The following SCN9A variants were observed in gnomAD, a reference collection of about 807,000 sequenced individuals.
SCN9A encodes the protein sodium voltage-gated channel alpha subunit 9.
SCN9A carries 131 observed loss-of-function variants against 187.0 expected under a neutral mutation model. The ratio of observed to expected loss-of-function variants is 0.70; its 90% CI spans 0.61 to 0.81. The LOEUF (loss-of-function observed/expected upper bound fraction) is 0.81, where lower values mean the gene tolerates loss of function less well. Ranked by LOEUF, SCN9A falls within the 30% of genes least tolerant of loss-of-function variation. The probability of loss-of-function intolerance (pLI) is 0.00; values close to 1 mark genes in which losing one functional copy is unlikely to be tolerated. For synonymous variants in SCN9A, 809 were observed against 808.6 expected (o/e 1.00, Z -0.01); for missense variants, 2,252 against 2,396.6 (o/e 0.94, Z 1.26).
intron 24 of SCN9A, among the ~76,000 whole-genome samples, chr2:166,209,274 G>T (rs1693964211): frequency 6.6e-6 from 1 of 152,176 alleles, no homozygotes; most frequent in South Asian, 2.1e-4. Flanking sequence ...GGAACACAAA[G>T]AATTAGGGAA....
At chr2:166,211,032 AGCCT>A (rs1345457511) in intron 24 of SCN9A, among the ~76,000 whole-genome samples, 1 of 150,624 alleles carries the variant, frequency 6.6e-6, no homozygotes, top group African/African-American at 2.5e-5. Flanking sequence ...ACTGCACTCC[AGCCT>A]GGGCAACACG....
rs751081867 is a variant in SCN9A at position 166,199,852 on chromosome 2, G to A, written c.4787C>T (p.Ala1596Val). 1 of 1,613,210 alleles carries A rather than the reference G, an allele frequency of 6.2e-7. No individual in the cohort carries two copies. Among genetic ancestry groups the A allele is most frequent in the Middle Eastern group, 1.6e-4 (1 of 6,082 alleles). ...CACAAAATACGTTTCAATCAAATCAGCTAGAAACATACCTGTATGTGGAGG... is the reference window on the plus strand; with the variant it reads ...CACAAAATACGTTTCAATCAAATCAACTAGAAACATACCTGTATGTGGAGG... ...VIISIVGMFL[A>V]DLIETYFVSP... Residue 1596 changes from alanine to valine, a missense_variant, in exon 27 of 27, where the codon GCT becomes GTT. By Grantham distance (64) the Ala-to-Val change is moderately conservative. Coordinates refer to ENST00000642356, the MANE Select transcript of SCN9A (RefSeq NM_001365536.1).
chr2:166,286,722 G>C (rs1697766569), intron 10 of SCN9A, 99 bp from the exon 11 acceptor site: 4 of 853,606 alleles, frequency 4.7e-6, no homozygotes, highest in Non-Finnish European at 5.0e-6. Flanking sequence ...ACAACATGGT[G>C]CATATAATCA....
At chr2:166,335,084 G>T (rs149194222) in intron 1 of SCN9A, among the ~76,000 whole-genome samples, 27 of 152,174 alleles carry the variant, frequency 1.8e-4, no homozygotes, top group African/African-American at 5.3e-4. Context: ...TTTGTTTAAT[G>T]CACATCCATT....
intron 1 of SCN9A, among the ~76,000 whole-genome samples, chr2:166,352,350 A>G (rs1700051994): frequency 6.6e-6 from 1 of 152,202 alleles, no homozygotes; most frequent in Admixed American, 6.5e-5. Context: ...AAAGCATTAT[A>G]CAATGTGATC....
At chr2:166,295,178 GT>G (rs758774776) in intron 7 of SCN9A, among the ~76,000 whole-genome samples, 41 of 152,288 alleles carry the variant, frequency 2.7e-4, no homozygotes, top group Non-Finnish European at 5.7e-4. Flanking sequence ...CAGAGATGAA[GT>G]TGGTGTGTGG....
chr2:166,284,854 C>T, intron 11 of SCN9A, 30 bp from the exon 12 acceptor site: 1 of 1,549,278 alleles, frequency 6.5e-7, no homozygotes. Context: ...AACGTGGTTG[C>T]TGAAGCACCT....
At chr2:166,223,045 A>C (rs572966431) in intron 24 of SCN9A, among the ~76,000 whole-genome samples, 4 of 136,212 alleles carry the variant, frequency 2.9e-5, no homozygotes, top group Non-Finnish European at 4.8e-5. Context: ...AAAAACAAAA[A>C]CCACCCAAAT....
At chr2:166,323,531 C>T (rs1699293267) in intron 1 of SCN9A, among the ~76,000 whole-genome samples, 1 of 152,018 alleles carries the variant, frequency 6.6e-6, no homozygotes, top group Non-Finnish European at 1.5e-5. Flanking sequence ...CTGAAGTAAA[C>T]ACCAACACTA....
chr2:166,283,599 A>G (rs1447556117), intron 12 of SCN9A, among the ~76,000 whole-genome samples: 3 of 152,022 alleles, frequency 2.0e-5, no homozygotes, highest in African/African-American at 7.2e-5. Context: ...TGACTCGTAG[A>G]CCTTTGGAAC....
intron 23 of SCN9A, 131 bp downstream of exon 23, chr2:166,227,539 A>G: frequency 1.5e-6 from 1 of 664,542 alleles, no homozygotes; most frequent in South Asian, 1.8e-5. Context: ...CCACTAGGCT[A>G]CTATCAGGTG....
intron 17 of SCN9A, among the ~76,000 whole-genome samples, chr2:166,269,962 A>C (rs1416583713): frequency 2.0e-5 from 3 of 152,046 alleles, no homozygotes; most frequent in African/African-American, 7.2e-5. Context: ...TTAGAAAAAA[A>C]TAGGTGACTG....
At chr2:166,329,002 A>G (rs1347161209) in intron 1 of SCN9A, among the ~76,000 whole-genome samples, 1 of 152,098 alleles carries the variant, frequency 6.6e-6, no homozygotes, top group African/African-American at 2.4e-5. Context: ...AATTCCCTTA[A>G]TGTACAATAT....
chr2:166,272,918 G>A, intron 16 of SCN9A, 43 bp from the exon 17 acceptor site: 1 of 838,956 alleles, frequency 1.2e-6, no homozygotes. Context: ...TAGGGAGACA[G>A]GAAATATAAA....
At chr2:166,343,718 C>T (rs757851276) in intron 1 of SCN9A, among the ~76,000 whole-genome samples, 5 of 151,978 alleles carry the variant, frequency 3.3e-5, no homozygotes, top group African/African-American at 9.7e-5. Flanking sequence ...TTTGCTTGAG[C>T]CCCTGGGGAT....
chr2:166,257,916 T>C (rs1696349142), intron 17 of SCN9A, among the ~76,000 whole-genome samples: 2 of 151,500 alleles, frequency 1.3e-5, no homozygotes, highest in South Asian at 4.1e-4. Flanking sequence ...GAAAAATATA[T>C]CTTTTACTTA....
intron 16 of SCN9A, among the ~76,000 whole-genome samples, chr2:166,274,221 T>C (rs1697128270): frequency 6.6e-6 from 1 of 152,126 alleles, no homozygotes; most frequent in Non-Finnish European, 1.5e-5. Context: ...CAACTTTCTT[T>C]CCTTCAAAAA....
At position 166,257,567 on chromosome 2, in the gene SCN9A, C is replaced by T. The variant is rs1013483386; in HGVS notation, c.3352-5682G>A. On this transcript the variant is annotated intron_variant, in intron 17 of 26. Coordinates refer to ENST00000642356, the MANE Select transcript of SCN9A (RefSeq NM_001365536.1). ...ATGTAGGCAGCTTTTGCTAAAGTGC[C>T]ATATTTCAAGTCATTCTTAACTGAA... 2.0e-5 allele frequency among the ~76,000 whole-genome samples: 3 copies of T among 151,428 alleles called. No individual in the cohort carries two copies. The Admixed American group carries it at 2.0e-4, about 10-fold the overall frequency.
intron 17 of SCN9A, among the ~76,000 whole-genome samples, chr2:166,259,651 G>C (rs1290763584): frequency 6.6e-6 from 1 of 151,768 alleles, no homozygotes; most frequent in African/African-American, 2.4e-5. Context: ...GTGGCAGTAA[G>C]AGTATGCAGC....
Sources: gnomAD v4.1 joint callset for allele counts (sites outside exome capture counted in the v4.1 genomes callset) on GRCh38, gnomAD v4.1.1 for gene constraint, MANE v1.5 for transcripts, NCBI Gene and HGNC (gene_info 2026-07-23, HGNC 2026-07-21) for gene names.